The following ATF6 variants were observed in gnomAD, a reference collection of about 807,000 sequenced individuals.
ATF6 encodes the protein cyclic AMP-dependent transcription factor ATF-6 alpha.
A neutral mutation model predicts 83.6 loss-of-function variants in ATF6; 53 were observed. The observed-to-expected ratio is 0.63, with a 90% CI of 0.51 to 0.80. ATF6 has a LOEUF of 0.80. Ranked by LOEUF, ATF6 falls within the 30% of genes least tolerant of loss-of-function variation. The pLI is 0.00. For synonymous variants in ATF6, 288 were observed against 285.8 expected, an observed-to-expected ratio of 1.01 and a Z score of -0.08; for missense variants, 744 against 797.9, an observed-to-expected ratio of 0.93 and a Z score of 0.81.
chr1:161,890,206 G>C (rs969858336), intron 14 of ATF6, among the ~76,000 whole-genome samples: 1 of 152,172 alleles, frequency 6.6e-6, no homozygotes, highest in African/African-American at 2.4e-5. Context: ...TTCAGATTTT[G>C]TTAATTGTCC....
At chr1:161,799,724 A>C (rs1414017338) in intron 6 of ATF6, among the ~76,000 whole-genome samples, 1 of 152,192 alleles carries the variant, frequency 6.6e-6, no homozygotes, top group Non-Finnish European at 1.5e-5. Flanking sequence ...TATCTGGGAT[A>C]AAATGCTGTT....
intron 14 of ATF6, among the ~76,000 whole-genome samples, chr1:161,898,689 A>G (rs1031331922): frequency 4.6e-5 from 7 of 152,196 alleles, no homozygotes; most frequent in African/African-American, 1.7e-4. Flanking sequence ...CTGGGACTAT[A>G]GGCGCACGCC....
intron 6 of ATF6, among the ~76,000 whole-genome samples, chr1:161,797,651 T>G (rs908047944): frequency 6.6e-6 from 1 of 152,124 alleles, no homozygotes; most frequent in Non-Finnish European, 1.5e-5. Flanking sequence ...TACAAAACAC[T>G]GCTGAAAGAA....
intron 14 of ATF6, among the ~76,000 whole-genome samples, chr1:161,894,103 A>G (rs1687617514): frequency 6.6e-6 from 1 of 152,118 alleles, no homozygotes; most frequent in Non-Finnish European, 1.5e-5. Context: ...AACTTTTATA[A>G]TAATAAACTT....
intron 14 of ATF6, among the ~76,000 whole-genome samples, chr1:161,892,628 C>CTTTT (rs773642361): frequency 0.018 from 2,181 of 124,614 alleles, 91 homozygotes; most frequent in African/African-American, 0.057. Context: ...ACAGGTCATT[C>CTTTT]TTTTTTTTTT....
intron 15 of ATF6, among the ~76,000 whole-genome samples, chr1:161,946,029 AG>A (rs1688741133): frequency 2.6e-5 from 4 of 152,262 alleles, no homozygotes; most frequent in Non-Finnish European, 5.9e-5. Context: ...GTTTTGAGAC[AG>A]GGTGTCAGTC....
At chr1:161,832,927 C>T (rs927512602) in intron 9 of ATF6, among the ~76,000 whole-genome samples, 1 of 152,202 alleles carries the variant, frequency 6.6e-6, no homozygotes, top group African/African-American at 2.4e-5. Context: ...CAGCATGCAG[C>T]TTGAGATCTG....
intron 14 of ATF6, among the ~76,000 whole-genome samples, chr1:161,869,460 A>G (rs1304326503): frequency 6.6e-6 from 1 of 151,914 alleles, no homozygotes; most frequent in South Asian, 2.1e-4. Context: ...GAGTGTACAC[A>G]TAGATGTTGG....
chr1:161,891,718 G>A (rs920638030), intron 14 of ATF6: 1 of 152,160 alleles, frequency 6.6e-6, no homozygotes, highest in African/African-American at 2.4e-5. Flanking sequence ...AGGAGTTGGC[G>A]GAGCTGTTTA....
intron 14 of ATF6, among the ~76,000 whole-genome samples, chr1:161,865,014 G>A (rs1374111597): frequency 1.3e-5 from 2 of 152,140 alleles, no homozygotes; most frequent in African/African-American, 4.8e-5. Context: ...TTTTTCTGAG[G>A]TTCAGGATAA....
At chr1:161,856,116 A>C (rs1410658965) in intron 12 of ATF6, among the ~76,000 whole-genome samples, 1 of 152,254 alleles carries the variant, frequency 6.6e-6, no homozygotes, top group African/African-American at 2.4e-5. Flanking sequence ...AATTGGAAGC[A>C]GTATGTGTTA....
At chr1:161,816,869 T>G (rs1557976117) in intron 7 of ATF6, among the ~76,000 whole-genome samples, 1 of 152,204 alleles carries the variant, frequency 6.6e-6, no homozygotes, top group Non-Finnish European at 1.5e-5. Context: ...ATATTTTTTT[T>G]GCCTAGGAAG....
intron 7 of ATF6, among the ~76,000 whole-genome samples, chr1:161,816,487 A>G (rs1685616380): frequency 6.6e-6 from 1 of 152,194 alleles, no homozygotes; most frequent in Non-Finnish European, 1.5e-5. Context: ...TTGGTATTTA[A>G]AAGCAGTTTG....
chr1:161,853,321 C>A lies in ATF6; in HGVS notation c.1531C>A (p.Gln511Lys). Reference protein sequence around the residue: ...TNNQQKTRILQGALEQGSNSQ... With the variant: ...TNNQQKTRILKGALEQGSNSQ... Reference sequence around the variant, plus strand: ...TAATCAACAGAAAACCCGTATTCTTCAGGTATGTTTCTGTTTGTCTTTGAA... The same window carrying A: ...TAATCAACAGAAAACCCGTATTCTTAAGGTATGTTTCTGTTTGTCTTTGAA... The change falls in exon 12 of 16, where the codon CAG (glutamine) becomes AAG (lysine). Residue 511 changes from glutamine to lysine, a missense_variant and splice_region_variant. Transcript: ENST00000367942. 1 of 1,609,198 alleles carries A rather than the reference C, an allele frequency of 6.2e-7. No homozygotes were observed. Among genetic ancestry groups the A allele is most frequent in the Non-Finnish European group, 8.5e-7 (1 of 1,175,940 alleles).
intron 9 of ATF6, among the ~76,000 whole-genome samples, chr1:161,832,864 C>A (rs1220307140): frequency 6.6e-6 from 1 of 152,234 alleles, no homozygotes; most frequent in Non-Finnish European, 1.5e-5. Context: ...GCAATAACCT[C>A]TGCAGACTTA....
intron 11 of ATF6, among the ~76,000 whole-genome samples, chr1:161,852,370 G>A (rs534559240): frequency 1.3e-5 from 2 of 152,074 alleles, no homozygotes; most frequent in Non-Finnish European, 2.9e-5. Context: ...AGCAAAATAA[G>A]GGAAGTTATA....
chr1:161,777,456 C>T (rs1684541756), intron 1 of ATF6, among the ~76,000 whole-genome samples: 1 of 152,136 alleles, frequency 6.6e-6, no homozygotes, highest in Non-Finnish European at 1.5e-5. Flanking sequence ...AGGAAATCAT[C>T]AGAGCAGTTT....
intron 1 of ATF6, among the ~76,000 whole-genome samples, chr1:161,777,338 C>T (rs539606918): frequency 3.9e-5 from 6 of 152,160 alleles, no homozygotes; most frequent in South Asian, 2.1e-4. Flanking sequence ...GTTATTACTA[C>T]GTATACATTT....
chr1:161,869,996 A>G (rs778168044), intron 14 of ATF6, among the ~76,000 whole-genome samples: 4 of 149,380 alleles, frequency 2.7e-5, no homozygotes, highest in Non-Finnish European at 6.0e-5. Flanking sequence ...AACTAGGGCA[A>G]TAATTGATAG....
Sources: gnomAD v4.1 joint callset for allele counts (sites outside exome capture counted in the v4.1 genomes callset) on GRCh38, gnomAD v4.1.1 for gene constraint, MANE v1.5 for transcripts, NCBI Gene and HGNC (gene_info 2026-07-23, HGNC 2026-07-21) for gene names.